DNAH12: variants seen among roughly 807,000 people sequenced by gnomAD.
DNAH12 encodes axonemal beta dynein heavy chain 12.
Under a neutral mutation model 371.5 loss-of-function variants are expected in DNAH12, and 285 were observed. The observed-to-expected ratio is 0.77, with a 90% confidence interval of 0.70 to 0.85. The LOEUF (loss-of-function observed/expected upper bound fraction) is 0.85, where lower values mean the gene tolerates loss of function less well. Ranked by LOEUF, DNAH12 falls within the 40% of genes least tolerant of loss-of-function variation. The pLI is 0.00. For missense variants in DNAH12, 3,611 were observed against 3,689.4 expected, an observed-to-expected ratio of 0.98 and a Z score of 0.55; for synonymous variants, 1,200 against 1,213.0, an observed-to-expected ratio of 0.99 and a Z score of 0.22.
At chr3:57,400,933 A>C (rs2063843430) in intron 43 of DNAH12, among the ~76,000 whole-genome samples, 1 of 152,180 alleles carries the variant, frequency 6.6e-6, no homozygotes, top group African/African-American at 2.4e-5. Context: ...AGTGCACATG[A>C]AACATTCTCT....
chr3:57,524,516 C>T (rs931150737), intron 2 of DNAH12, among the ~76,000 whole-genome samples: 1 of 151,632 alleles, frequency 6.6e-6, no homozygotes, highest in Non-Finnish European at 1.5e-5. Flanking sequence ...TATTGAATCC[C>T]TATATTATGT....
At chr3:57,423,720 T>C (rs192227203) in intron 35 of DNAH12, among the ~76,000 whole-genome samples, 2 of 152,310 alleles carry the variant, frequency 1.3e-5, no homozygotes, top group East Asian at 3.9e-4. Context: ...CCATTCCCTC[T>C]GGCCTAGCTA....
rs931916980 is a variant in DNAH12, at chr3:57,388,822, C to A, written c.7306-1603G>T. On this transcript the variant is annotated intron_variant, in intron 45 of 73. Transcript: ENST00000495027. ...CACAAGGACAAAAAACCAAACACTG[C>A]ATGTTCTTACTCATAGGTGGGAATT... Among the ~76,000 whole-genome samples the A allele has an allele frequency of 3.3e-3, 488 of 147,540 alleles. 1 individual carries two copies. The highest frequency in any genetic ancestry group is 5.6e-3 in the Admixed American group (79 of 14,130).
At chr3:57,411,683 G>A (rs747290519) in intron 39 of DNAH12, among the ~76,000 whole-genome samples, 9 of 151,772 alleles carry the variant, frequency 5.9e-5, no homozygotes, top group East Asian at 1.9e-4. Context: ...GAACTAAATC[G>A]AAGTACTAAA....
chr3:57,437,067 TAAAA>T lies in DNAH12; in HGVS notation c.4546-11_4546-8del, dbSNP rs762605104. 1 of 1,481,574 alleles carries T rather than the reference TAAAA, an allele frequency of 6.7e-7. No homozygotes were observed. Among genetic ancestry groups the T allele is most frequent in the Non-Finnish European group, 9.0e-7 (1 of 1,105,834 alleles). 91.8% of individuals were successfully genotyped at this position (1,481,574 alleles called of 1,614,324 possible). A position where few individuals can be genotyped will look rare whatever the true frequency, so the allele number is the denominator to read the frequency against. On this transcript the variant is annotated splice_polypyrimidine_tract_variant and splice_region_variant and intron_variant, in intron 29 of 73. Transcript: ENST00000495027. ...GAGCACATTCCAAAAATTCCTGAAA[TAAAA>T]AAAAGTAATGCATTTCTACAACACA...
At chr3:57,471,426 G>C in intron 15 of DNAH12, 46 bp downstream of exon 15, 1 of 1,463,944 alleles carries the variant, frequency 6.8e-7, no homozygotes, top group Non-Finnish European at 9.0e-7. Context: ...TGTCCTATAT[G>C]ACTCTATGGG....
Position 57,417,920 on chromosome 3 carries a change from G to T in DNAH12, c.5714+1447C>A, listed in dbSNP as rs867934652. Among the ~76,000 whole-genome samples the T allele has an allele frequency of 2.6e-5, 4 of 152,148 alleles. No homozygotes were observed. The South Asian group carries it at 8.3e-4, about 32-fold the overall frequency. On this transcript the variant is annotated intron_variant, in intron 37 of 73. Coordinates refer to ENST00000495027, the MANE Select transcript of DNAH12 (RefSeq NM_001366028.2). ...AATCCCAGCACTTTGGGAGGCCAAGGTGGATGGATCATTTGAGGCCAGGAG... is the reference window on the plus strand; with the variant it reads ...AATCCCAGCACTTTGGGAGGCCAAGTTGGATGGATCATTTGAGGCCAGGAG...
At chr3:57,481,442 C>T (rs2066738862) in intron 13 of DNAH12, among the ~76,000 whole-genome samples, 1 of 152,042 alleles carries the variant, frequency 6.6e-6, no homozygotes, top group Admixed American at 6.6e-5. Context: ...AATGGAAGAA[C>T]ATTCCATGCT....
chr3:57,389,556 G>C (rs1343555016), intron 45 of DNAH12, among the ~76,000 whole-genome samples: 6 of 151,888 alleles, frequency 4.0e-5, no homozygotes, highest in Non-Finnish European at 8.8e-5. Flanking sequence ...ATGGTGACAT[G>C]ATGACTGCTG....
chr3:57,507,071 T>G (rs142316434), intron 8 of DNAH12, among the ~76,000 whole-genome samples: 1,773 of 151,956 alleles, frequency 0.012, 13 homozygotes, highest in Non-Finnish European at 0.017. Context: ...ACAAAATTCA[T>G]GGAATTGTTG....
intron 2 of DNAH12, among the ~76,000 whole-genome samples, chr3:57,533,440 C>T (rs960750589): frequency 3.3e-5 from 5 of 152,074 alleles, no homozygotes; most frequent in African/African-American, 1.2e-4. Flanking sequence ...TGTGAATGTG[C>T]TTGGCCTAAC....
intron 2 of DNAH12, among the ~76,000 whole-genome samples, chr3:57,526,026 G>A (rs6787402): frequency 0.017 from 2,588 of 152,060 alleles, 68 homozygotes; most frequent in African/African-American, 0.059. Flanking sequence ...GCCTCCCAAA[G>A]TGCTGGGATT....
intron 62 of DNAH12, among the ~76,000 whole-genome samples, chr3:57,326,395 G>T (rs1331093995): frequency 1.3e-5 from 2 of 152,104 alleles, no homozygotes; most frequent in Non-Finnish European, 2.9e-5. Context: ...AGAGAGTGGG[G>T]GCCAATATTC....
At chr3:57,443,079 T>C (rs2065359085) in intron 29 of DNAH12, among the ~76,000 whole-genome samples, 1 of 152,154 alleles carries the variant, frequency 6.6e-6, no homozygotes, top group Admixed American at 6.6e-5. Context: ...TTAAATTGAA[T>C]TTGAGATTGT....
Position 57,468,926 on chromosome 3 carries a change from A to C in DNAH12, c.2159T>G (p.Val720Gly), listed in dbSNP as rs1338716321. The stretch of plus-strand genomic sequence containing the variant: ...AAAAATTTCTCGGGAAAACTCTTCC[A>C]CATCAGCCTCCATGCTTTCCCCATT... ...DLNGESMEAD[V>G]EEFSREIFKT... The change falls in exon 17 of 74, where the codon GTG becomes GGG. Residue 720 changes from valine to glycine, a missense_variant. Physicochemically the swap from Val to Gly is moderately radical, Grantham distance 109 (BLOSUM62 -3). Transcript: ENST00000495027. The C allele has an allele frequency of 6.6e-7, 1 of 1,519,542 alleles. No homozygotes were observed. The highest frequency in any genetic ancestry group is 2.5e-5 in the East Asian group (1 of 39,602). 94.1% of individuals were successfully genotyped at this position (1,519,542 alleles called of 1,614,324 possible). A position where few individuals can be genotyped will look rare whatever the true frequency, so the allele number is the denominator to read the frequency against.
intron 2 of DNAH12, among the ~76,000 whole-genome samples, chr3:57,528,602 G>A (rs1209862234): frequency 3.2e-5 from 2 of 62,796 alleles, no homozygotes; most frequent in Non-Finnish European, 5.9e-5. Flanking sequence ...GGGCATGCCT[G>A]TAATCCCAGC....
chr3:57,306,444 G>A lies in DNAH12; in HGVS notation c.11189+2707C>T, dbSNP rs1296930833. 5.3e-5 allele frequency among the ~76,000 whole-genome samples: 8 copies of A among 151,938 alleles called. No homozygotes were observed. The East Asian group carries it at 7.7e-4, about 15-fold the overall frequency. On this transcript the variant is annotated intron_variant, in intron 69 of 73. Transcript: ENST00000495027. Reference sequence around the variant, plus strand: ...CCCACCTGCCCAGTTCCCTTATTAGGCTGAGACACTTTAACTAAATTATCT... The same window carrying A: ...CCCACCTGCCCAGTTCCCTTATTAGACTGAGACACTTTAACTAAATTATCT...
chr3:57,554,116 A>G, the DNAH12 span, among the ~76,000 whole-genome samples: 10 of 149,270 alleles, frequency 6.7e-5, no homozygotes, highest in Admixed American at 5.3e-4. Flanking sequence ...GTGAAATTCC[A>G]TCTCTACTAA....
chr3:57,477,246 G>A (rs769804687), intron 13 of DNAH12, among the ~76,000 whole-genome samples: 12 of 152,178 alleles, frequency 7.9e-5, no homozygotes, highest in Non-Finnish European at 1.6e-4. Context: ...CTTTTCCAAC[G>A]GGTTTAGCAA....
Sources: gnomAD v4.1 joint callset for allele counts (sites outside exome capture counted in the v4.1 genomes callset) on GRCh38, gnomAD v4.1.1 for gene constraint, MANE v1.5 for transcripts, NCBI Gene and HGNC (gene_info 2026-07-23, HGNC 2026-07-21) for gene names.